MICAL2: variants seen among roughly 807,000 people sequenced by gnomAD.
MICAL2 encodes the protein [F-actin]-monooxygenase MICAL2.
In MICAL2, 77 loss-of-function variants were observed where a neutral mutation model predicts 127.3. The observed-to-expected ratio is 0.60, with a 90% CI of 0.50 to 0.73. The LOEUF is 0.73. MICAL2 is among the 30% of genes least tolerant of loss of function. The pLI is 0.00. For missense variants in MICAL2, 1,351 were observed against 1,434.4 expected, an observed-to-expected ratio of 0.94 and a Z score of 0.94; for synonymous variants, 570 against 551.1, an observed-to-expected ratio of 1.03 and a Z score of -0.48.
chr11:12,289,154 G>A (rs939677078), downstream of MICAL2, among the ~76,000 whole-genome samples: 1 of 152,248 alleles, frequency 6.6e-6, no homozygotes, highest in Non-Finnish European at 1.5e-5. Flanking sequence ...AGGGCCCAGA[G>A]AGGAGGTAGC....
At chr11:12,114,293 G>A (rs371310615) in intron 1 of MICAL2, among the ~76,000 whole-genome samples, 21 of 152,266 alleles carry the variant, frequency 1.4e-4, no homozygotes, top group South Asian at 4.1e-4. Flanking sequence ...TAAAAAGGAC[G>A]TTGTCTTGCA....
intron 3 of MICAL2, among the ~76,000 whole-genome samples, chr11:12,201,374 T>A (rs1223259538): frequency 6.6e-6 from 1 of 151,796 alleles, no homozygotes; most frequent in African/African-American, 2.4e-5. Flanking sequence ...AACTGGATGA[T>A]GGAACGTTTG....
intron 2 of MICAL2, among the ~76,000 whole-genome samples, chr11:12,284,803 A>G (rs1169266448): frequency 6.6e-6 from 1 of 152,092 alleles, no homozygotes; most frequent in Non-Finnish European, 1.5e-5. Flanking sequence ...GTGCCCATCC[A>G]TACAGGCTCC....
intron 4 of MICAL2, among the ~76,000 whole-genome samples, chr11:12,207,224 T>C (rs1565162079): frequency 6.6e-6 from 1 of 152,114 alleles, no homozygotes; most frequent in Non-Finnish European, 1.5e-5. Context: ...CCAACCACCA[T>C]GTCTTGCCCC....
chr11:12,262,159 G>A (rs1863207221), intron 26 of MICAL2: 16 of 1,215,964 alleles, frequency 1.3e-5, no homozygotes, highest in Non-Finnish European at 1.5e-5. Context: ...GGACCCCCGA[G>A]GATGAATGCC....
At chr11:12,199,948 ACC>A (rs927474511) in intron 3 of MICAL2, among the ~76,000 whole-genome samples, 2 of 152,272 alleles carry the variant, frequency 1.3e-5, no homozygotes, top group Middle Eastern at 3.4e-3. Flanking sequence ...GCCCTGGCAG[ACC>A]CTGGCTCCCC....
intron 29 of MICAL2, among the ~76,000 whole-genome samples, chr11:12,303,176 G>A (rs182072409): frequency 8.5e-5 from 13 of 152,298 alleles, no homozygotes; most frequent in Non-Finnish European, 1.6e-4. Context: ...GGATTATGGG[G>A]ATTACAGTTC....
chr11:12,236,751 T>C (rs951851738), intron 16 of MICAL2, among the ~76,000 whole-genome samples: 20 of 152,226 alleles, frequency 1.3e-4, no homozygotes, highest in Admixed American at 6.5e-5. Context: ...AAGGAGAGCC[T>C]GAATCTCTTG....
upstream of MICAL2, among the ~76,000 whole-genome samples, chr11:12,273,493 G>A (rs143736114): frequency 1.3e-4 from 20 of 150,488 alleles, no homozygotes; most frequent in African/African-American, 4.9e-4. Context: ...GCATCCACAC[G>A]CACCAGGGGC....
rs1392908216 is a variant in MICAL2 at position 12,120,402 on chromosome 11, G to A, written c.-149+9676G>A. 1.6e-4 allele frequency among the ~76,000 whole-genome samples: 25 copies of A among 152,198 alleles called. 1 individual carries two copies. The highest frequency in any genetic ancestry group is 1.6e-3 in the Admixed American group (25 of 15,290). On this transcript the variant is annotated intron_variant, in intron 1 of 27. Transcript: ENST00000683283. ...GGGGCATCAACAGCCATAGGCCCAG[G>A]CTCGGAGCTCACAGTGTGCAGCTGC...
At chr11:12,339,032 T>C (rs1305442641) in intron 32 of MICAL2, among the ~76,000 whole-genome samples, 4 of 152,226 alleles carry the variant, frequency 2.6e-5, no homozygotes, top group Non-Finnish European at 4.4e-5. Flanking sequence ...TTCTCCTGGA[T>C]AATATCCTGC....
chr11:12,270,525 G>T (rs1402597636), intron 24 of MICAL2, among the ~76,000 whole-genome samples: 1 of 152,172 alleles, frequency 6.6e-6, no homozygotes, highest in Non-Finnish European at 1.5e-5. Flanking sequence ...CTGCTGTTGA[G>T]GGACAGTGGC....
intron 2 of MICAL2, among the ~76,000 whole-genome samples, chr11:12,147,627 G>A (rs1853080891): frequency 6.6e-6 from 1 of 152,230 alleles, no homozygotes; most frequent in Non-Finnish European, 1.5e-5. Flanking sequence ...GCTAAAGGAA[G>A]AGCCAAATGG....
At chr11:12,121,950 T>A (rs1291281883) in intron 1 of MICAL2, among the ~76,000 whole-genome samples, 3 of 152,256 alleles carry the variant, frequency 2.0e-5, no homozygotes, top group Non-Finnish European at 4.4e-5. Context: ...TGAAATGGGC[T>A]TGCTTTCTTT....
At chr11:12,348,487 G>T (rs928303639) in intron 32 of MICAL2, among the ~76,000 whole-genome samples, 1 of 152,128 alleles carries the variant, frequency 6.6e-6, no homozygotes. Flanking sequence ...CCTAGAACTA[G>T]TCCTCCATAA....
At chr11:12,116,032 G>T (rs926660257) in intron 1 of MICAL2, among the ~76,000 whole-genome samples, 3 of 147,346 alleles carry the variant, frequency 2.0e-5, no homozygotes, top group Non-Finnish European at 3.0e-5. Context: ...CCAGGCTGGA[G>T]TGCAGTGGGG....
intron 31 of MICAL2, among the ~76,000 whole-genome samples, chr11:12,325,395 C>A (rs917011140): frequency 3.9e-5 from 6 of 152,216 alleles, no homozygotes; most frequent in African/African-American, 1.4e-4. Flanking sequence ...CTGGTGTGAG[C>A]CACCGTGCCC....
intron 2 of MICAL2, among the ~76,000 whole-genome samples, chr11:12,150,491 C>G (rs1330151035): frequency 9.2e-5 from 14 of 151,978 alleles, no homozygotes; most frequent in Non-Finnish European, 1.5e-5. Flanking sequence ...GGGACAGACT[C>G]CATCAGATAT....
At chr11:12,327,254 C>A (rs374013423) in exon 32 of MICAL2, 4 of 1,550,200 alleles carry the variant, frequency 2.6e-6, no homozygotes, top group Non-Finnish European at 3.5e-6. Flanking sequence ...GAAGGCGTTG[C>A]GAGGAGAAGC....
Sources: gnomAD v4.1 joint callset for allele counts (sites outside exome capture counted in the v4.1 genomes callset) on GRCh38, gnomAD v4.1.1 for gene constraint, MANE v1.5 for transcripts, NCBI Gene and HGNC (gene_info 2026-07-23, HGNC 2026-07-21) for gene names.